Variants in RHPN2 observed in about 807,000 individuals in gnomAD.
RHPN2 encodes rhophilin Rho GTPase binding protein 2.
In RHPN2, 40 loss-of-function variants were observed where a neutral mutation model predicts 79.0. The observed-to-expected ratio is 0.51, with a 90% confidence interval of 0.39 to 0.66. The LOEUF is 0.66. Ranked by LOEUF, RHPN2 falls within the 30% of genes least tolerant of loss-of-function variation. The pLI is 0.00. For synonymous variants in RHPN2, 285 were observed against 363.5 expected, an observed-to-expected ratio of 0.78 and a Z score of 2.46; for missense variants, 686 against 883.5, an observed-to-expected ratio of 0.78 and a Z score of 2.83.
chr19:33,015,317 C>G (rs1473492318), intron 4 of RHPN2, among the ~76,000 whole-genome samples: 1 of 151,918 alleles, frequency 6.6e-6, no homozygotes, highest in African/African-American at 2.4e-5. Context: ...CCCAGCTACT[C>G]AGGAGGCTGA....
intron 14 of RHPN2, among the ~76,000 whole-genome samples, chr19:32,983,907 G>T (rs528114996): frequency 2.0e-5 from 3 of 152,274 alleles, no homozygotes; most frequent in African/African-American, 7.2e-5. Flanking sequence ...GATTACAGGC[G>T]TGAGCCACTG....
chr19:32,989,412 G>A (rs144280436), intron 14 of RHPN2, among the ~76,000 whole-genome samples: 100 of 152,144 alleles, frequency 6.6e-4, no homozygotes, highest in African/African-American at 2.2e-3. Context: ...CTGGCCTCAC[G>A]TGGGGAAAAT....
chr19:33,053,355 G>C (rs1972204951), intron 1 of RHPN2, among the ~76,000 whole-genome samples: 1 of 151,096 alleles, frequency 6.6e-6, no homozygotes. Context: ...TGAATCAACT[G>C]TATTTCCAGA....
At chr19:33,018,545 T>A (rs1971896620) in intron 4 of RHPN2, among the ~76,000 whole-genome samples, 1 of 152,202 alleles carries the variant, frequency 6.6e-6, no homozygotes, top group Non-Finnish European at 1.5e-5. Flanking sequence ...TTTTCATTGC[T>A]TTCTACCCAG....
intron 1 of RHPN2, among the ~76,000 whole-genome samples, chr19:33,052,007 A>G (rs1972192686): frequency 6.6e-6 from 1 of 151,844 alleles, no homozygotes; most frequent in Non-Finnish European, 1.5e-5. Flanking sequence ...AAAAAAAAAA[A>G]AAGAATTAAA....
chr19:33,038,474 TA>T (rs1487587773), intron 2 of RHPN2, among the ~76,000 whole-genome samples: 3 of 150,452 alleles, frequency 2.0e-5, no homozygotes, highest in Non-Finnish European at 4.4e-5. Flanking sequence ...ATAAAAATTT[TA>T]TTTATTTATT....
At chr19:33,053,738 A>AT (rs1972208622) in intron 1 of RHPN2, among the ~76,000 whole-genome samples, 1 of 150,072 alleles carries the variant, frequency 6.7e-6, no homozygotes, top group Non-Finnish European at 1.5e-5. Context: ...TAATTTTTGT[A>AT]TTTTTTACTA....
At position 32,993,959 on chromosome 19, in the gene RHPN2, A is replaced by G. The variant is rs143904815; in HGVS notation, c.1497+18T>C. 917 of 1,569,452 alleles carry G rather than the reference A, an allele frequency of 5.8e-4. 3 individuals are homozygous for G. The African/African-American group carries it at 0.011, about 19-fold the overall frequency. On this transcript the variant is annotated intron_variant, in intron 12 of 14. Coordinates refer to ENST00000254260, the MANE Select transcript of RHPN2 (RefSeq NM_033103.5). ...CTGTCCCCTTAGGTCATTTGAATGT[A>G]GAGAGCATTCAACATACCAGCTTCT...
chr19:33,015,937 C>A (rs751568765), intron 4 of RHPN2, among the ~76,000 whole-genome samples: 1 of 152,014 alleles, frequency 6.6e-6, no homozygotes, highest in Non-Finnish European at 1.5e-5. Context: ...GTAATCCCAG[C>A]TACCCAGGAG....
Position 33,026,568 on chromosome 19 carries a change from G to C in RHPN2, c.250C>G (p.Leu84Val). Reference protein sequence around the residue: ...RLELSFVNSDLQMLKEELEGL... With the variant: ...RLELSFVNSDVQMLKEELEGL... ...TCCAGCTCTTCCTTGAGCATCTGCA[G>C]GTCTGAGTTGACGAAGCTCAGCTCC... The change falls in exon 3 of 15, where the codon CTG becomes GTG. Residue 84 changes from leucine to valine, a missense_variant. Coordinates refer to ENST00000254260, the MANE Select transcript of RHPN2 (RefSeq NM_033103.5). 1.2e-6 allele frequency: 2 copies of C among 1,609,638 alleles called. No homozygotes were observed. The highest frequency in any genetic ancestry group is 4.5e-5 in the East Asian group (2 of 44,836).
intron 9 of RHPN2, 83 bp downstream of exon 9, chr19:33,002,164 G>C: frequency 6.6e-7 from 1 of 1,510,288 alleles, no homozygotes; most frequent in Non-Finnish European, 9.0e-7. Context: ...AGGGAAGGCA[G>C]TTAGCTCTCA....
intron 14 of RHPN2, among the ~76,000 whole-genome samples, chr19:32,988,736 T>A (rs551404643): frequency 2.6e-5 from 4 of 152,296 alleles, no homozygotes; most frequent in African/African-American, 7.2e-5. Context: ...TTCTTGTCCC[T>A]CTGCAACTGG....
Position 33,026,597 on chromosome 19 carries a change from C to T in RHPN2, c.221G>A (p.Arg74Gln), listed in dbSNP as rs766442171. 8.5e-5 allele frequency: 136 copies of T among 1,609,030 alleles called. No individual in the cohort carries two copies. The South Asian group carries it at 1.1e-3, about 13-fold the overall frequency. Residue 74 changes from arginine (R) to glutamine (Q), a missense_variant, in exon 3 of 15, where the codon CGG becomes CAG. Transcript: ENST00000254260. ...TGAGTTGACGAAGCTCAGCTCCAGCCGCACTTGCTCCCGCACCTTTGAGTT... is the reference window on the plus strand; with the variant it reads ...TGAGTTGACGAAGCTCAGCTCCAGCTGCACTTGCTCCCGCACCTTTGAGTT... ...ATNSKVREQVRLELSFVNSDL... is the reference protein window; with the variant it reads ...ATNSKVREQVQLELSFVNSDL...
At chr19:33,054,961 G>A (rs554044902) in intron 1 of RHPN2, among the ~76,000 whole-genome samples, 2 of 152,318 alleles carry the variant, frequency 1.3e-5, no homozygotes, top group Admixed American at 1.3e-4. Context: ...GTTGAAGACT[G>A]TTGGTCAGGC....
At chr19:33,041,637 G>C (rs1972101113) in intron 2 of RHPN2, among the ~76,000 whole-genome samples, 1 of 152,152 alleles carries the variant, frequency 6.6e-6, no homozygotes, top group South Asian at 2.1e-4. Flanking sequence ...AACTGCCCTA[G>C]TTCCTGCCTG....
intron 10 of RHPN2, among the ~76,000 whole-genome samples, chr19:32,999,044 C>T (rs1333231632): frequency 1.3e-5 from 2 of 151,170 alleles, no homozygotes; most frequent in Non-Finnish European, 2.9e-5. Context: ...AGAAAAGAAG[C>T]GTGGAGAGTG....
At chr19:33,057,306 G>GGATGAT (rs1226937144) in intron 1 of RHPN2, among the ~76,000 whole-genome samples, 2 of 151,932 alleles carry the variant, frequency 1.3e-5, no homozygotes, top group African/African-American at 4.8e-5. Flanking sequence ...TCATGCCACT[G>GGATGAT]CACTCCAGCC....
chr19:33,032,177 T>C (rs1228563188), intron 2 of RHPN2, among the ~76,000 whole-genome samples: 1 of 151,858 alleles, frequency 6.6e-6, no homozygotes, highest in Non-Finnish European at 1.5e-5. Context: ...CCTGTCACCA[T>C]ACCCAGCTAA....
chr19:33,026,360 C>T, intron 3 of RHPN2, 144 bp downstream of exon 3: 1 of 1,112,482 alleles, frequency 9.0e-7, no homozygotes, highest in East Asian at 2.6e-5. Flanking sequence ...CACTCAACCC[C>T]AAACCTGATG....
Sources: gnomAD v4.1 joint callset for allele counts (sites outside exome capture counted in the v4.1 genomes callset) on GRCh38, gnomAD v4.1.1 for gene constraint, MANE v1.5 for transcripts, NCBI Gene and HGNC (gene_info 2026-07-23, HGNC 2026-07-21) for gene names.